The following PAM variants were observed in gnomAD, a reference collection of about 807,000 sequenced individuals.
The protein encoded by PAM is peptidylglycine alpha-amidating monooxygenase.
In PAM, 72 loss-of-function variants were observed where a neutral mutation model predicts 122.1. The observed-to-expected ratio is 0.59, with a 90% CI of 0.49 to 0.72. PAM has a LOEUF of 0.72. PAM is among the 30% of genes least tolerant of loss of function. PAM has a pLI of 0.00. For missense variants in PAM, 1,106 were observed against 1,183.7 expected, an observed-to-expected ratio of 0.93 and a Z score of 0.96; for synonymous variants, 389 against 404.4, an observed-to-expected ratio of 0.96 and a Z score of 0.46.
intron 1 of PAM, among the ~76,000 whole-genome samples, chr5:102,799,310 G>C (rs1240004084): frequency 6.6e-6 from 1 of 152,154 alleles, no homozygotes; most frequent in African/African-American, 2.4e-5. Flanking sequence ...ATGCCAGACT[G>C]AGTGATGATT....
At chr5:102,942,687 A>G (rs1040443370) in intron 7 of PAM, among the ~76,000 whole-genome samples, 1 of 151,460 alleles carries the variant, frequency 6.6e-6, no homozygotes, top group Non-Finnish European at 1.5e-5. Flanking sequence ...GGCACAAGCA[A>G]TCCTCACAAG....
At chr5:102,924,265 C>G (rs1561902095) in intron 5 of PAM, among the ~76,000 whole-genome samples, 1 of 151,788 alleles carries the variant, frequency 6.6e-6, no homozygotes, top group Non-Finnish European at 1.5e-5. Context: ...AATCCCTTCT[C>G]TACTAAAAAT....
At chr5:102,894,206 C>A (rs1795531547) in intron 3 of PAM, among the ~76,000 whole-genome samples, 1 of 151,596 alleles carries the variant, frequency 6.6e-6, no homozygotes, top group Admixed American at 6.6e-5. Flanking sequence ...AGAGTACCCA[C>A]AGGGTCTCAG....
At chr5:102,858,777 C>A (rs953156717) in intron 1 of PAM, among the ~76,000 whole-genome samples, 3 of 152,196 alleles carry the variant, frequency 2.0e-5, no homozygotes, top group African/African-American at 7.2e-5. Context: ...CCCCAACCAT[C>A]TCCATAGAAA....
chr5:102,770,395 A>C (rs1421903701), intron 1 of PAM, among the ~76,000 whole-genome samples: 1 of 152,080 alleles, frequency 6.6e-6, no homozygotes, highest in African/African-American at 2.4e-5. Flanking sequence ...TAGGACTTCC[A>C]GTACTGCGTT....
intron 22 of PAM, among the ~76,000 whole-genome samples, chr5:103,019,350 G>A (rs2151272135): frequency 6.6e-6 from 1 of 152,274 alleles, no homozygotes; most frequent in South Asian, 2.1e-4. Context: ...CAGTATATCT[G>A]GAACAGTAAG....
At chr5:102,865,337 T>G (rs904378769) in intron 1 of PAM, 7 of 152,238 alleles carry the variant, frequency 4.6e-5, no homozygotes, top group Non-Finnish European at 7.3e-5. Context: ...ATGCCTTTGT[T>G]CTCAAAAGTC....
chr5:102,868,166 G>C (rs1262211752), intron 3 of PAM, among the ~76,000 whole-genome samples: 1 of 152,204 alleles, frequency 6.6e-6, no homozygotes, highest in Non-Finnish European at 1.5e-5. Flanking sequence ...CTCTCCTTTT[G>C]AAGGGCTGCA....
chr5:102,830,512 A>T (rs115092680), intron 1 of PAM, among the ~76,000 whole-genome samples: 1 of 152,158 alleles, frequency 6.6e-6, no homozygotes, highest in Non-Finnish European at 1.5e-5. Flanking sequence ...ATTCTTCTCC[A>T]TGACTCTCCT....
At chr5:102,986,599 A>G (rs1006470271) in intron 15 of PAM, among the ~76,000 whole-genome samples, 6 of 152,156 alleles carry the variant, frequency 3.9e-5, no homozygotes, top group African/African-American at 1.4e-4. Context: ...AAATGGAAAA[A>G]TATTTCCTGC....
At chr5:102,879,532 C>T (rs1170881418) in intron 3 of PAM, among the ~76,000 whole-genome samples, 1 of 152,064 alleles carries the variant, frequency 6.6e-6, no homozygotes, top group African/African-American at 2.4e-5. Context: ...AGTGGGTTCT[C>T]ATGAAATTTA....
At chr5:102,778,338 T>A (rs1263289846) in intron 1 of PAM, among the ~76,000 whole-genome samples, 1 of 152,206 alleles carries the variant, frequency 6.6e-6, no homozygotes, top group African/African-American at 2.4e-5. Context: ...GTCTTTACTT[T>A]AAAATTGCCC....
At chr5:102,842,331 G>A (rs1778867051) in intron 1 of PAM, among the ~76,000 whole-genome samples, 1 of 152,018 alleles carries the variant, frequency 6.6e-6, no homozygotes, top group South Asian at 2.1e-4. Flanking sequence ...TGTTGTGGGA[G>A]GGACCTGGTG....
chr5:103,014,113 C>G (rs915091300), intron 21 of PAM, among the ~76,000 whole-genome samples: 1 of 152,172 alleles, frequency 6.6e-6, no homozygotes. Context: ...AGATGCTTAA[C>G]TTTCAGTTCT....
chr5:102,858,402 G>A (rs1357374982), intron 1 of PAM, among the ~76,000 whole-genome samples: 1 of 152,104 alleles, frequency 6.6e-6, no homozygotes, highest in Admixed American at 6.5e-5. Flanking sequence ...GCATCTAGTG[G>A]GTGGAGGCCA....
At chr5:102,776,568 C>G (rs1244884789) in intron 1 of PAM, among the ~76,000 whole-genome samples, 3 of 151,988 alleles carry the variant, frequency 2.0e-5, no homozygotes, top group Non-Finnish European at 4.4e-5. Context: ...AGCTAGTTTT[C>G]CCAGAACCAT....
intron 1 of PAM, among the ~76,000 whole-genome samples, chr5:102,820,626 G>A (rs553368433): frequency 5.3e-5 from 8 of 152,214 alleles, no homozygotes; most frequent in South Asian, 4.1e-4. Flanking sequence ...TTACACAAAC[G>A]TATAATCTAG....
At chr5:102,969,952 C>T (rs905958094) in intron 14 of PAM, among the ~76,000 whole-genome samples, 12 of 151,788 alleles carry the variant, frequency 7.9e-5, no homozygotes, top group African/African-American at 2.4e-4. Context: ...ACATGATGGA[C>T]GGTAAAAAGA....
rs557197161 is a variant in PAM, at chr5:103,013,304, T to G, written c.2331+3438T>G. On this transcript the variant is annotated intron_variant, in intron 21 of 25. Coordinates refer to ENST00000438793, the MANE Select transcript of PAM (RefSeq NM_001177306.2). ...TTCACTTCTTTGGTTAATTCCTAGG[T>G]ACTTAAAAATATTTTTGGCTATTGT... is the stretch of plus-strand genomic sequence containing the variant. 2.6e-5 allele frequency among the ~76,000 whole-genome samples: 4 copies of G among 152,170 alleles called. No individual in the cohort carries two copies. In the East Asian group the frequency reaches 5.8e-4, roughly 22 times the overall value.
Sources: gnomAD v4.1 joint callset for allele counts (sites outside exome capture counted in the v4.1 genomes callset) on GRCh38, gnomAD v4.1.1 for gene constraint, MANE v1.5 for transcripts, NCBI Gene and HGNC (gene_info 2026-07-23, HGNC 2026-07-21) for gene names.